The following PRKCB variants were observed in gnomAD, a reference collection of about 807,000 sequenced individuals.
The protein encoded by PRKCB is protein kinase C beta, also known as protein kinase C beta type.
Under a neutral mutation model 81.5 loss-of-function variants are expected in PRKCB, and 13 were observed. The observed-to-expected ratio is 0.16, with a 90% CI of 0.10 to 0.25. PRKCB has a LOEUF of 0.25. Among genes scored for constraint, PRKCB ranks in the 10% least tolerant of loss-of-function variants. The pLI, the probability that PRKCB is intolerant of heterozygous loss-of-function variation, is 1.00. For missense variants in PRKCB, 509 were observed against 875.7 expected (o/e 0.58, Z 5.29); for synonymous variants, 335 against 321.4 (o/e 1.04, Z -0.45).
At chr16:24,047,806 C>A (rs1196360136) in intron 5 of PRKCB, among the ~76,000 whole-genome samples, 1 of 152,194 alleles carries the variant, frequency 6.6e-6, no homozygotes, top group Non-Finnish European at 1.5e-5. Flanking sequence ...CTAGTTTAGC[C>A]TTAAGGTCTT....
In PRKCB at chr16:23,855,261, T is replaced by C. The variant is rs148950582; in HGVS notation, c.205+17855T>C. Among the ~76,000 whole-genome samples, 150 of 152,242 alleles carry C rather than the reference T, an allele frequency of 9.9e-4. 1 individual carries two copies. The highest frequency in any genetic ancestry group is 3.5e-3 in the African/African-American group (144 of 41,548). The stretch of plus-strand genomic sequence containing the variant: ...GTGATGGAGTGCGGATGAGGTCTGA[T>C]GACTTACTGGTCAAGAGCATGGGTT... On this transcript the variant is annotated intron_variant, in intron 2 of 16. Coordinates refer to ENST00000643927, the MANE Select transcript of PRKCB (RefSeq NM_002738.7).
chr16:24,103,219 T>A (rs1966531536), intron 7 of PRKCB, among the ~76,000 whole-genome samples: 1 of 152,232 alleles, frequency 6.6e-6, no homozygotes, highest in African/African-American at 2.4e-5. Context: ...TCCTCTGAGT[T>A]TTGATATGCT....
intron 5 of PRKCB, among the ~76,000 whole-genome samples, chr16:24,087,874 C>G (rs1465478246): frequency 6.6e-6 from 1 of 152,162 alleles, no homozygotes; most frequent in African/African-American, 2.4e-5. Context: ...AACAGGCAGA[C>G]CTCACCCTGC....
Position 24,104,816 on chromosome 16 carries a change from G to A in PRKCB, c.822-8157G>A, listed in dbSNP as rs556894976. On this transcript the variant is annotated intron_variant, in intron 7 of 16. Coordinates refer to ENST00000643927, the MANE Select transcript of PRKCB (RefSeq NM_002738.7). ...GATCCATGAGGGGAGAGTGGAGGAG[G>A]ATTAGGTCTTGGAGGATATGGGGAG... Among the ~76,000 whole-genome samples, 5 of 152,260 alleles carry A rather than the reference G, an allele frequency of 3.3e-5. No individual in the cohort carries two copies. The South Asian group carries it at 1.0e-3, about 32-fold the overall frequency.
rs1968288520 is a variant in PRKCB at position 24,219,625 on chromosome 16, A to C, written c.*4809A>C. ...CATGGTAATAAGTAGCTTCCAATTC[A>C]ATTCATCCTAAAGCCAAAGAAAATA... is the stretch of plus-strand genomic sequence containing the variant. On this transcript the variant is annotated 3_prime_UTR_variant, in exon 17 of 17. Coordinates refer to ENST00000643927, the MANE Select transcript of PRKCB (RefSeq NM_002738.7). 1 of 1,054,696 alleles carries C rather than the reference A, an allele frequency of 9.5e-7. No individual in the cohort carries two copies. Among genetic ancestry groups the C allele is most frequent in the Admixed American group, 5.1e-5 (1 of 19,450 alleles). 65.3% of individuals were successfully genotyped at this position (1,054,696 alleles called of 1,614,324 possible).
intron 5 of PRKCB, among the ~76,000 whole-genome samples, chr16:24,057,896 T>C (rs1043543072): frequency 2.0e-5 from 3 of 152,182 alleles, no homozygotes; most frequent in African/African-American, 4.8e-5. Flanking sequence ...CACAGGAATC[T>C]TTCTAAAATG....
At chr16:24,079,897 T>C (rs1426575244) in intron 5 of PRKCB, among the ~76,000 whole-genome samples, 1 of 152,184 alleles carries the variant, frequency 6.6e-6, no homozygotes, top group East Asian at 1.9e-4. Context: ...AAAGCATTCA[T>C]TTATTTCTAT....
Position 23,950,137 on chromosome 16 carries a change from T to TG in PRKCB, c.206-38371_206-38370insG, listed in dbSNP as rs1488299429. 4.8e-3 allele frequency among the ~76,000 whole-genome samples: 657 copies of TG among 138,172 alleles called. 24 individuals are homozygous for TG. The highest frequency in any genetic ancestry group is 7.9e-3 in the Non-Finnish European group (506 of 64,314). The allele number at this position is 138,172 out of a possible 152,430, so 90.6% of individuals were successfully genotyped here. A position where few individuals can be genotyped will look rare whatever the true frequency, so the allele number is the denominator to read the frequency against. ...CATTGGCCCCTATGATTTGAATTTT[T>TG]TTTTTTTTTTTTTTTTTTTTTCTGT... is the stretch of plus-strand genomic sequence containing the variant. On this transcript the variant is annotated intron_variant, in intron 2 of 16. Coordinates refer to ENST00000643927, the MANE Select transcript of PRKCB (RefSeq NM_002738.7).
intron 5 of PRKCB, among the ~76,000 whole-genome samples, chr16:24,050,386 G>T (rs1359089489): frequency 6.6e-6 from 1 of 152,046 alleles, no homozygotes; most frequent in African/African-American, 2.4e-5. Context: ...TGTTGCCGAG[G>T]AGCGAAGGAT....
rs144657548 is a variant in PRKCB, at chr16:24,185,643, C to T, written c.1722+76C>T. 4,889 of 1,243,114 alleles carry T rather than the reference C, an allele frequency of 3.9e-3. 41 individuals are homozygous for T. Among genetic ancestry groups the T allele is most frequent in the Middle Eastern group, 3.8e-3 (20 of 5,246 alleles). 77.0% of individuals were successfully genotyped at this position (1,243,114 alleles called of 1,614,324 possible). ...GGGCTGTACCTTGCCCAAGAACACC[C>T]CACCAGGGGGGAACACAGCCTGAAC... On this transcript the variant is annotated intron_variant, in intron 15 of 16. Coordinates refer to ENST00000643927, the MANE Select transcript of PRKCB (RefSeq NM_002738.7).
chr16:24,055,804 G>A (rs780072545), intron 5 of PRKCB, among the ~76,000 whole-genome samples: 1 of 152,176 alleles, frequency 6.6e-6, no homozygotes, highest in Non-Finnish European at 1.5e-5. Flanking sequence ...GGGGTGTGTG[G>A]TGTGCAATGC....
intron 5 of PRKCB, among the ~76,000 whole-genome samples, chr16:24,054,740 T>G (rs1230464553): frequency 6.6e-6 from 1 of 152,232 alleles, no homozygotes; most frequent in African/African-American, 2.4e-5. Flanking sequence ...CTGGTGCAGT[T>G]TGACATTCAT....
intron 9 of PRKCB, chr16:24,151,877 T>G (rs1567393415): frequency 2.2e-6 from 1 of 455,434 alleles, no homozygotes; most frequent in Non-Finnish European, 4.4e-6. Context: ...AGATGTAGGA[T>G]GTCCACCCCT....
At chr16:23,872,952 C>A (rs1962930715) in intron 2 of PRKCB, among the ~76,000 whole-genome samples, 1 of 150,666 alleles carries the variant, frequency 6.6e-6, no homozygotes, top group African/African-American at 2.4e-5. Flanking sequence ...TCGAGGCGGG[C>A]AGATCATCTG....
chr16:23,887,932 G>A (rs1226477239), intron 2 of PRKCB, among the ~76,000 whole-genome samples: 1 of 152,192 alleles, frequency 6.6e-6, no homozygotes, highest in Admixed American at 6.5e-5. Context: ...GGGCCCAAAG[G>A]CTGGCAGCTG....
Position 24,176,345 on chromosome 16 carries a change from C to T in PRKCB, c.1394+1765C>T, listed in dbSNP as rs371258177. On this transcript the variant is annotated intron_variant, in intron 12 of 16. Transcript: ENST00000643927. ...AGAGGATCACTTGAGCCCAGGAGTT[C>T]GAAACTGCAGTGAGCTATGATTGTG... 2.3e-3 allele frequency among the ~76,000 whole-genome samples: 351 copies of T among 152,188 alleles called. 18 individuals are homozygous for T. In the South Asian group the frequency reaches 0.068, roughly 29 times the overall value.
chr16:23,978,753 A>G (rs1325305212), intron 2 of PRKCB, among the ~76,000 whole-genome samples: 1 of 152,106 alleles, frequency 6.6e-6, no homozygotes, highest in Non-Finnish European at 1.5e-5. Flanking sequence ...GTCCAATAAG[A>G]CTTTCTATGG....
intron 2 of PRKCB, among the ~76,000 whole-genome samples, chr16:23,875,318 C>T (rs185126589): frequency 1.1e-4 from 16 of 151,848 alleles, no homozygotes; most frequent in African/African-American, 2.9e-4. Context: ...GGATTACAAG[C>T]GTGAACCACC....
At chr16:24,189,316 T>G (rs1351756310) in intron 15 of PRKCB, among the ~76,000 whole-genome samples, 2 of 152,204 alleles carry the variant, frequency 1.3e-5, no homozygotes, top group South Asian at 2.1e-4. Context: ...TGGGTTATTA[T>G]GATGATCAGG....
Sources: gnomAD v4.1 joint callset for allele counts (sites outside exome capture counted in the v4.1 genomes callset) on GRCh38, gnomAD v4.1.1 for gene constraint, MANE v1.5 for transcripts, NCBI Gene and HGNC (gene_info 2026-07-23, HGNC 2026-07-21) for gene names.